ZBTB40: variants seen among roughly 807,000 people sequenced by gnomAD.
The protein encoded by ZBTB40 is zinc finger and BTB domain-containing protein 40.
In ZBTB40, 60 loss-of-function variants were observed where a neutral mutation model predicts 117.5. The ratio of observed to expected loss-of-function variants is 0.51; its 90% CI spans 0.41 to 0.63. The LOEUF (loss-of-function observed/expected upper bound fraction) is 0.63. ZBTB40 is among the 30% of genes least tolerant of loss of function. The pLI is 0.00. For synonymous variants in ZBTB40, 525 were observed against 577.1 expected, an observed-to-expected ratio of 0.91 and a Z score of 1.29; for missense variants, 1,287 against 1,498.5, an observed-to-expected ratio of 0.86 and a Z score of 2.33.
chr1:22,524,566 G>T, intron 17 of ZBTB40, 122 bp downstream of exon 17: 1 of 1,156,010 alleles, frequency 8.7e-7, no homozygotes. Context: ...AGTCTCTCTG[G>T]ACTTCTTACA....
chr1:22,504,972 A>G (rs1035904755), intron 5 of ZBTB40, among the ~76,000 whole-genome samples: 19 of 152,362 alleles, frequency 1.2e-4, no homozygotes, highest in African/African-American at 4.3e-4. Flanking sequence ...GTAGAAATCT[A>G]TATATTAGAC....
In ZBTB40 at chr1:22,526,238, C is replaced by T. The variant is rs748303609; in HGVS notation, c.3562C>T (p.Gln1188Ter). ...QTPEPVAPTE[Q>*]VITLEETQLA... is the part of the protein sequence containing the mutation. ...CCCAGAGCCGGTGGCCCCGACAGAGCAGGTGATCACTTTGGAGGAGACCCA... is the reference window on the plus strand; with the variant it reads ...CCCAGAGCCGGTGGCCCCGACAGAGTAGGTGATCACTTTGGAGGAGACCCA... Residue 1188 changes from glutamine to a stop codon, truncating the protein, a stop_gained, in exon 18 of 18, where the codon CAG becomes TAG. Transcript: ENST00000375647. LOFTEE classifies it high-confidence loss of function. The T allele has an allele frequency of 6.2e-7, 1 of 1,614,202 alleles. No individual in the cohort carries two copies. The highest frequency in any genetic ancestry group is 1.1e-5 in the South Asian group (1 of 91,086).
At chr1:22,516,673 C>T (rs1639381610) in intron 12 of ZBTB40, among the ~76,000 whole-genome samples, 1 of 152,136 alleles carries the variant, frequency 6.6e-6, no homozygotes, top group African/African-American at 2.4e-5. Context: ...AATTGCCCTG[C>T]TTGCTCTCTC....
At position 22,529,072 on chromosome 1, in the gene ZBTB40, T is replaced by G. The variant is rs1639760619; in HGVS notation, c.*2676T>G. On this transcript the variant is annotated 3_prime_UTR_variant, in exon 18 of 18. Transcript: ENST00000375647. ...TGGGCTCCGCACTGGCTGACTGATT[T>G]TATAGTCTTGCTCTCTAGAGAAGCC... is the stretch of plus-strand genomic sequence containing the variant. 1 of 152,286 alleles carries G rather than the reference T, an allele frequency of 6.6e-6. No homozygotes were observed. Among genetic ancestry groups the G allele is most frequent in the South Asian group, 2.1e-4 (1 of 4,838 alleles). 9.4% of individuals were successfully genotyped at this position (152,286 alleles called of 1,614,324 possible). A position where few individuals can be genotyped will look rare whatever the true frequency, so the allele number is the denominator to read the frequency against.
chr1:22,506,262 C>T (rs1426201092), intron 6 of ZBTB40, 21 bp downstream of exon 6: 5 of 1,613,068 alleles, frequency 3.1e-6, no homozygotes, highest in Admixed American at 1.7e-5. Context: ...ATTGTTGACT[C>T]TCTGGACTGG....
chr1:22,457,556 G>C (rs752622828), intron 1 of ZBTB40, among the ~76,000 whole-genome samples: 1 of 152,202 alleles, frequency 6.6e-6, no homozygotes, highest in Non-Finnish European at 1.5e-5. Flanking sequence ...GCACTAGCGT[G>C]GTTCTGGAAC....
chr1:22,431,388 A>G (rs61769183), intron 1 of ZBTB40, among the ~76,000 whole-genome samples: 83,172 of 117,288 alleles, frequency 0.71, 28,545 homozygotes, highest in South Asian at 0.79. Context: ...GTGTGTGTAT[A>G]TATATATATA....
At chr1:22,449,235 G>A (rs1380255377), upstream of ZBTB40, among the ~76,000 whole-genome samples, 1 of 152,130 alleles carries the variant, frequency 6.6e-6, no homozygotes, top group Non-Finnish European at 1.5e-5. Flanking sequence ...CTTACACTGG[G>A]TGGTGGCATG....
At chr1:22,506,314 G>A (rs748538456) in intron 6 of ZBTB40, 73 bp downstream of exon 6, 2 of 1,453,960 alleles carry the variant, frequency 1.4e-6, no homozygotes, top group Non-Finnish European at 1.9e-6. Flanking sequence ...CACCCTTTTG[G>A]CTCCATGCTG....
intron 1 of ZBTB40, among the ~76,000 whole-genome samples, chr1:22,480,639 C>T (rs1269025612): frequency 7.9e-5 from 12 of 151,944 alleles, no homozygotes; most frequent in African/African-American, 2.7e-4. Flanking sequence ...CGTGAGCCAC[C>T]GCGCCCTGCC....
At chr1:22,521,855 A>C (rs895396622) in intron 15 of ZBTB40, among the ~76,000 whole-genome samples, 197 bp downstream of exon 15, 5 of 152,148 alleles carry the variant, frequency 3.3e-5, no homozygotes, top group African/African-American at 1.2e-4. Context: ...CAAACCTGGA[A>C]GCGTAGCGCA....
intron 1 of ZBTB40, among the ~76,000 whole-genome samples, chr1:22,481,066 T>C (rs900436796): frequency 3.3e-5 from 5 of 152,146 alleles, no homozygotes; most frequent in African/African-American, 1.2e-4. Context: ...GCCACCATGG[T>C]CTCAATTCCC....
chr1:22,511,400 T>G lies in ZBTB40; in HGVS notation c.2002+53T>G. The G allele has an allele frequency of 6.2e-6, 10 of 1,605,546 alleles. No individual in the cohort carries two copies. The South Asian group carries it at 8.8e-5, about 14-fold the overall frequency. On this transcript the variant is annotated intron_variant, in intron 10 of 17. Transcript: ENST00000375647. ...GTTCCTATCAGCACACCAGGTTGTTTCTTGAAGAAAGAGACAGCATTTCAT... is the reference window on the plus strand; with the variant it reads ...GTTCCTATCAGCACACCAGGTTGTTGCTTGAAGAAAGAGACAGCATTTCAT...
rs1171765021 is a variant in ZBTB40, at chr1:22,528,076, GA to G, written c.*1682del. On this transcript the variant is annotated 3_prime_UTR_variant, in exon 18 of 18. Transcript: ENST00000375647. ...GGCCTCAGAAGCCAAAAACTGACCA[GA>G]AGATGGTGCTCAAACCTTTAAGACT... The G allele has an allele frequency of 3.3e-5, 5 of 152,806 alleles. No homozygotes were observed. The highest frequency in any genetic ancestry group is 5.9e-5 in the Non-Finnish European group (4 of 68,058). 9.5% of individuals were successfully genotyped at this position (152,806 alleles called of 1,614,324 possible).
chr1:22,473,274 T>C (rs1339654205), intron 1 of ZBTB40, among the ~76,000 whole-genome samples: 3 of 152,184 alleles, frequency 2.0e-5, no homozygotes, highest in Non-Finnish European at 4.4e-5. Context: ...GTGATTCTTA[T>C]GCACATTAAA....
At chr1:22,511,620 T>A in intron 10 of ZBTB40, 56 bp from the exon 11 acceptor site, 1 of 1,581,640 alleles carries the variant, frequency 6.3e-7, no homozygotes, top group African/African-American at 1.4e-5. Context: ...AGAAACGTTA[T>A]AAAGCAAAAT....
At chr1:22,521,356 C>G in intron 14 of ZBTB40, 140 bp from the exon 15 acceptor site, 1 of 1,074,316 alleles carries the variant, frequency 9.3e-7, no homozygotes, top group African/African-American at 1.6e-5. Flanking sequence ...CACATCAGCA[C>G]CCGGTGTGAT....
At chr1:22,495,452 T>A (rs1304284636) in intron 3 of ZBTB40, among the ~76,000 whole-genome samples, 4 of 152,160 alleles carry the variant, frequency 2.6e-5, no homozygotes, top group Non-Finnish European at 5.9e-5. Flanking sequence ...AAAACTGTTA[T>A]TTAGAGCCAG....
In ZBTB40 at chr1:22,490,178, T is replaced by C; in HGVS notation, c.230T>C (p.Met77Thr). Residue 77 changes from methionine (M) to threonine (T), a missense_variant, in exon 2 of 18, where the codon ATG becomes ACG. This residue lies in a region of ZBTB40 where 870 missense variants were observed against 934.4 expected (regional missense o/e 0.93). Transcript: ENST00000375647. ...GAGGAGTTTGCGCTCTTGTTGGAAATGATGTACACGGGCAAACTACCTGTG... is the reference window on the plus strand; with the variant it reads ...GAGGAGTTTGCGCTCTTGTTGGAAACGATGTACACGGGCAAACTACCTGTG... ...SPEEFALLLE[M>T]MYTGKLPVGK... 2 of 1,614,158 alleles carry C rather than the reference T, an allele frequency of 1.2e-6. No homozygotes were observed. The highest frequency in any genetic ancestry group is 1.1e-5 in the South Asian group (1 of 91,076).
Sources: allele counts gnomAD v4.1 joint callset (sites outside exome capture counted in the v4.1 genomes callset), GRCh38; gene constraint gnomAD v4.1.1; regional missense constraint gnomAD v4.1.1; transcripts MANE v1.5; gene names NCBI Gene and HGNC (gene_info 2026-07-23, HGNC 2026-07-21).